The following COL27A1 variants were observed in gnomAD, a reference collection of about 807,000 sequenced individuals.
COL27A1 encodes collagen alpha-1(XXVII) chain.
In COL27A1, 106 loss-of-function variants were observed where a neutral mutation model predicts 251.3. The observed-to-expected ratio is 0.42, with a 90% CI of 0.36 to 0.50. COL27A1 has a LOEUF of 0.50. Ranked by LOEUF, COL27A1 falls within the 20% of genes least tolerant of loss-of-function variation. COL27A1 has a pLI of 0.00. For missense variants in COL27A1, 2,325 were observed against 2,522.8 expected (o/e 0.92, Z 1.68); for synonymous variants, 1,000 against 986.3 (o/e 1.01, Z -0.26).
chr9:114,291,276 C>T (rs1333257591), intron 48 of COL27A1, among the ~76,000 whole-genome samples: 1 of 152,126 alleles, frequency 6.6e-6, no homozygotes, highest in East Asian at 1.9e-4. Flanking sequence ...GGAGGGGGCC[C>T]CCATGAATCC....
At chr9:114,199,688 G>A (rs1378077772) in intron 7 of COL27A1, among the ~76,000 whole-genome samples, 2 of 152,076 alleles carry the variant, frequency 1.3e-5, no homozygotes, top group Admixed American at 1.3e-4. Flanking sequence ...CTCCCTTCTC[G>A]GCCTCTTTGG....
At chr9:114,278,346 C>A (rs1354241097) in intron 37 of COL27A1, among the ~76,000 whole-genome samples, 3 of 12,456 alleles carry the variant, frequency 2.4e-4, no homozygotes, top group Admixed American at 1.7e-3. Flanking sequence ...GGTGCTGGTG[C>A]TGGTGGCGAT....
At chr9:114,275,140 T>C (rs1835410260) in intron 36 of COL27A1, among the ~76,000 whole-genome samples, 1 of 151,934 alleles carries the variant, frequency 6.6e-6, no homozygotes, top group African/African-American at 2.4e-5. Context: ...GGCATGTGCC[T>C]GTAGTCCCAG....
intron 22 of COL27A1, among the ~76,000 whole-genome samples, chr9:114,242,578 C>G (rs1042996829): frequency 6.6e-6 from 1 of 152,242 alleles, no homozygotes; most frequent in Non-Finnish European, 1.5e-5. Flanking sequence ...TGCCTGGGCC[C>G]TCAGCCCGAG....
Position 114,168,155 on chromosome 9 carries a change from G to A in COL27A1, c.600G>A (p.Gly200=). 1 of 1,613,480 alleles carries A rather than the reference G, an allele frequency of 6.2e-7. No homozygotes were observed. Among genetic ancestry groups the A allele is most frequent in the Non-Finnish European group, 8.5e-7 (1 of 1,180,026 alleles). The change falls in exon 3 of 61, where the codon GGG becomes GGA. Residue 200 remains glycine (G), a synonymous_variant. Coordinates refer to ENST00000356083, the MANE Select transcript of COL27A1 (RefSeq NM_032888.4). The part of the protein sequence containing the change: ...ALDPGGSFLF[G]KMNPHAVQFE... Reference sequence around the variant, plus strand: ...ACCCTGGGGGCTCCTTCCTCTTTGGGAAGATGAACCCGCATGCAGTCCAGT... The same window carrying A: ...ACCCTGGGGGCTCCTTCCTCTTTGGAAAGATGAACCCGCATGCAGTCCAGT...
chr9:114,198,607 G>T (rs370158187), intron 7 of COL27A1, among the ~76,000 whole-genome samples: 1 of 152,324 alleles, frequency 6.6e-6, no homozygotes, highest in African/African-American at 2.4e-5. Flanking sequence ...TCGAACCCAG[G>T]TCTTCTGACC....
chr9:114,267,115 C>T (rs1330609255), intron 33 of COL27A1, among the ~76,000 whole-genome samples: 1 of 152,254 alleles, frequency 6.6e-6, no homozygotes. Flanking sequence ...CCACCCGCCT[C>T]ACGCTGGCTA....
At chr9:114,239,030 C>T (rs967391208) in intron 19 of COL27A1, among the ~76,000 whole-genome samples, 3 of 152,206 alleles carry the variant, frequency 2.0e-5, no homozygotes, top group African/African-American at 4.8e-5. Flanking sequence ...CGTCTTTGTG[C>T]TCTGTTTTGA....
intron 14 of COL27A1, among the ~76,000 whole-genome samples, chr9:114,225,085 A>G (rs1216887966): frequency 1.3e-5 from 2 of 152,236 alleles, no homozygotes; most frequent in Non-Finnish European, 2.9e-5. Context: ...TTTATCTGAT[A>G]TTCAAATTTA....
rs760730049 is a variant in COL27A1 at position 114,250,630 on chromosome 9, A to G, written c.2995A>G (p.Ile999Val). ...PVGEQGFMGF[I>V]GLVGEPGIVG... ...TGTCTCATAGGGATTTATGGGATTC[A>G]TTGGTCTGGTCGGGGAGCCAGGAAT... is the stretch of plus-strand genomic sequence containing the variant. The change falls in exon 25 of 61, where the codon ATT becomes GTT. Residue 999 changes from isoleucine (I) to valine (V), a missense_variant. Physicochemically the swap from Ile to Val is conservative, Grantham distance 29. Transcript: ENST00000356083. 44 of 1,611,940 alleles carry G rather than the reference A, an allele frequency of 2.7e-5. No homozygotes were observed. The highest frequency in any genetic ancestry group is 3.4e-5 in the Non-Finnish European group (40 of 1,178,274).
Position 114,204,613 on chromosome 9 carries a change from C to T in COL27A1, c.2125-489C>T, listed in dbSNP as rs955672089. On this transcript the variant is annotated intron_variant, in intron 7 of 60. Transcript: ENST00000356083. ...TTTGGGTTAATAAATGTGGTCAAGG[C>T]GTGTGATGGGGGCTTTATGAGAAGG... Among the ~76,000 whole-genome samples the T allele has an allele frequency of 3.9e-5, 6 of 151,982 alleles. No individual in the cohort carries two copies. In the South Asian group the frequency reaches 1.0e-3, roughly 26 times the overall value.
At chr9:114,251,458 G>C (rs1189912318) in intron 25 of COL27A1, among the ~76,000 whole-genome samples, 1 of 151,410 alleles carries the variant, frequency 6.6e-6, no homozygotes, top group South Asian at 2.1e-4. Context: ...TTCCCCTTCT[G>C]CTCCTCCTCC....
intron 7 of COL27A1, among the ~76,000 whole-genome samples, chr9:114,199,455 C>T (rs748222381): frequency 3.3e-5 from 5 of 151,446 alleles, no homozygotes; most frequent in South Asian, 2.1e-4. Context: ...CCCTGGCCCC[C>T]GCTGTGTAGA....
At chr9:114,176,879 G>C (rs1827501448) in intron 3 of COL27A1, among the ~76,000 whole-genome samples, 1 of 152,180 alleles carries the variant, frequency 6.6e-6, no homozygotes, top group South Asian at 2.1e-4. Flanking sequence ...TCACAGGCCA[G>C]AACTGTGAGC....
At chr9:114,213,238 C>T (rs926477010) in intron 12 of COL27A1, among the ~76,000 whole-genome samples, 5 of 152,074 alleles carry the variant, frequency 3.3e-5, no homozygotes, top group East Asian at 1.9e-4. Flanking sequence ...CTTCTCCAAC[C>T]GGACACAGCA....
chr9:114,234,729 C>T (rs1451317630), intron 16 of COL27A1, among the ~76,000 whole-genome samples: 2 of 152,094 alleles, frequency 1.3e-5, no homozygotes, highest in African/African-American at 4.8e-5. Context: ...TACACATAGT[C>T]TCAACAAGCC....
chr9:114,267,471 G>A (rs752421656), intron 33 of COL27A1, 33 bp from the exon 34 acceptor site: 3 of 1,590,856 alleles, frequency 1.9e-6, no homozygotes, highest in Non-Finnish European at 2.6e-6. Context: ...GGCAGCTCTT[G>A]CTCTAGGAGG....
At chr9:114,288,155 C>CGGCT (rs995760342) in intron 41 of COL27A1, among the ~76,000 whole-genome samples, 7 of 152,276 alleles carry the variant, frequency 4.6e-5, no homozygotes, top group East Asian at 1.9e-4. Context: ...GCAGGCCACA[C>CGGCT]GGCTGGTCCT....
chr9:114,203,590 A>C (rs1829723170), intron 7 of COL27A1, among the ~76,000 whole-genome samples: 1 of 152,224 alleles, frequency 6.6e-6, no homozygotes. Context: ...CAATCTCCAT[A>C]GGCCCCTGAA....
Sources: allele counts gnomAD v4.1 joint callset (sites outside exome capture counted in the v4.1 genomes callset), GRCh38; gene constraint gnomAD v4.1.1; transcripts MANE v1.5; gene names NCBI Gene and HGNC (gene_info 2026-07-23, HGNC 2026-07-21).